The following GOLM1 variants were observed in gnomAD, a reference collection of about 807,000 sequenced individuals.
The protein encoded by GOLM1 is golgi membrane protein 1, also known as epididymis luminal protein 46.
A neutral mutation model predicts 50.5 loss-of-function variants in GOLM1; 31 were observed. The ratio of observed to expected loss-of-function variants is 0.61; its 90% CI spans 0.46 to 0.83. The LOEUF (loss-of-function observed/expected upper bound fraction) is 0.83, where lower values mean the gene tolerates loss of function less well. Among genes scored for constraint, GOLM1 ranks in the 40% least tolerant of loss-of-function variants. GOLM1 has a pLI of 0.00. For synonymous variants in GOLM1, 178 were observed against 192.8 expected (o/e 0.92, Z 0.64); for missense variants, 491 against 501.3 (o/e 0.98, Z 0.20).
chr9:86,026,435 T>C lies in GOLM1; in HGVS notation c.*1382A>G. On this transcript the variant is annotated 3_prime_UTR_variant, in exon 10 of 10. Coordinates refer to ENST00000388712, the MANE Select transcript of GOLM1 (RefSeq NM_016548.4). ...TGCAAACAGGGCCTGCTTCAGTGAC[T>C]GTGTGCCTGTAGTCCCAGCTACTCG... is the stretch of plus-strand genomic sequence containing the variant. The C allele has an allele frequency of 1.0e-6, 1 of 984,806 alleles. No homozygotes were observed. The highest frequency in any genetic ancestry group is 1.2e-6 in the Non-Finnish European group (1 of 829,390). 61.0% of individuals were successfully genotyped at this position (984,806 alleles called of 1,614,324 possible). A position where few individuals can be genotyped will look rare whatever the true frequency, so the allele number is the denominator to read the frequency against.
At chr9:86,048,173 T>G (rs1833617815) in intron 4 of GOLM1, among the ~76,000 whole-genome samples, 1 of 152,062 alleles carries the variant, frequency 6.6e-6, no homozygotes, top group South Asian at 2.1e-4. Flanking sequence ...GGTTTCCAGC[T>G]TCATCTATGT....
chr9:86,053,822 CACCAA>C (rs552867780), intron 3 of GOLM1, among the ~76,000 whole-genome samples: 21 of 149,064 alleles, frequency 1.4e-4, no homozygotes, highest in Non-Finnish European at 2.5e-4. Context: ...ACACATCACA[CACCAA>C]ACCAAACCAC....
intron 9 of GOLM1, among the ~76,000 whole-genome samples, chr9:86,028,193 AT>A (rs1271457986): frequency 1.3e-5 from 2 of 152,128 alleles, no homozygotes; most frequent in Admixed American, 6.5e-5. Context: ...CAAATGTTGC[AT>A]TTTCCAAGAC....
In GOLM1 at chr9:86,035,003, T is replaced by G. The variant is rs1001200191; in HGVS notation, c.1015+365A>C. 11 of 985,162 alleles carry G rather than the reference T, an allele frequency of 1.1e-5. No homozygotes were observed. The Admixed American group carries it at 1.8e-4, about 17-fold the overall frequency. The allele number at this position is 985,162 out of a possible 1,614,324, so 61.0% of individuals were successfully genotyped here. On this transcript the variant is annotated intron_variant, in intron 8 of 9. Coordinates refer to ENST00000388712, the MANE Select transcript of GOLM1 (RefSeq NM_016548.4). ...CTTCATTCATTCACTAGGCACTGAT[T>G]GTCTAAATGGCACCAGACACTGCAC...
At chr9:86,080,147 C>G (rs1234292944) in intron 1 of GOLM1, 1 of 152,224 alleles carries the variant, frequency 6.6e-6, no homozygotes, top group Non-Finnish European at 1.5e-5. Flanking sequence ...TCATTTCTCA[C>G]TTTAGGGACC....
chr9:86,064,772 G>A (rs982719618), intron 3 of GOLM1, among the ~76,000 whole-genome samples: 3 of 152,198 alleles, frequency 2.0e-5, no homozygotes, highest in Non-Finnish European at 2.9e-5. Context: ...AGACACTGTG[G>A]GGGACAGCGC....
rs748561889 is a variant in GOLM1 at position 86,033,336 on chromosome 9, C to T, written c.1075G>A (p.Glu359Lys). 4.3e-6 allele frequency: 7 copies of T among 1,613,776 alleles called. No homozygotes were observed. The Admixed American group carries it at 1.2e-4, about 27-fold the overall frequency. The change falls in exon 9 of 10, where the codon GAA becomes AAA. Residue 359 changes from glutamate (E) to lysine (K), a missense_variant. Coordinates refer to ENST00000388712, the MANE Select transcript of GOLM1 (RefSeq NM_016548.4). ...DDYNMDENEA[E>K]SETDKQAALA... ...GCTGCTTGCTTGTCTGTCTCAGATT[C>T]TGCTTCATTTTCATCCATGTTGTAG... is the stretch of plus-strand genomic sequence containing the variant.
intron 1 of GOLM1, among the ~76,000 whole-genome samples, chr9:86,097,811 A>G (rs1024188887): frequency 1.3e-5 from 2 of 152,252 alleles, no homozygotes; most frequent in East Asian, 1.9e-4. Flanking sequence ...GTGGCCATAT[A>G]TATATAAACC....
At chr9:86,043,760 C>A (rs970936316) in intron 5 of GOLM1, among the ~76,000 whole-genome samples, 2 of 152,166 alleles carry the variant, frequency 1.3e-5, no homozygotes, top group African/African-American at 4.8e-5. Context: ...GTCTCCAGCC[C>A]AGCTCAGAGG....
chr9:86,029,050 G>T (rs965474691), intron 9 of GOLM1, among the ~76,000 whole-genome samples: 1 of 151,768 alleles, frequency 6.6e-6, no homozygotes, highest in Admixed American at 6.6e-5. Flanking sequence ...GTAGAGGCGG[G>T]TTTTCACCCT....
At chr9:86,085,453 G>GTTGT (rs1834924799) in intron 1 of GOLM1, among the ~76,000 whole-genome samples, 27 of 93,110 alleles carry the variant, frequency 2.9e-4, no homozygotes, top group Middle Eastern at 7.1e-3. Flanking sequence ...CAAAGTTTTT[G>GTTGT]TTTTTTTTTT....
At chr9:86,096,586 C>T (rs774011204) in intron 1 of GOLM1, among the ~76,000 whole-genome samples, 45 of 152,190 alleles carry the variant, frequency 3.0e-4, no homozygotes, top group Non-Finnish European at 5.7e-4. Flanking sequence ...AATACCGTGG[C>T]TGGCAAAGCT....
rs778114709 is a variant in GOLM1 at position 86,035,570 on chromosome 9, C to T, written c.813G>A (p.Pro271=). 1.4e-5 allele frequency: 22 copies of T among 1,607,680 alleles called. No individual in the cohort carries two copies. Among genetic ancestry groups the T allele is most frequent in the East Asian group, 4.5e-5 (2 of 44,748 alleles). Residue 271 remains proline (P), a synonymous_variant, in exon 8 of 10, where the codon CCG becomes CCA. Transcript: ENST00000388712. The part of the protein sequence containing the change: ...VNEEPQRDRL[P]QEPGREQVVE... ...CCACCTGCTCCCGGCCTGGCTCCTG[C>T]GGCAGCCTGTCCCTCTGAGGCTCCT... is the stretch of plus-strand genomic sequence containing the variant.
In GOLM1 at chr9:86,058,695, C is replaced by CAAAAAA. The variant is rs57227258; in HGVS notation, c.310-6110_310-6105dup. ...TGGGCAACAGAGCAAGACTCTGTCT[C>CAAAAAA]AAAAAAAAAAAAAAAAATAGCCAGG... On this transcript the variant is annotated intron_variant, in intron 3 of 9. Transcript: ENST00000388712. Among the ~76,000 whole-genome samples, 6 of 100,984 alleles carry CAAAAAA rather than the reference C, an allele frequency of 5.9e-5. 1 individual carries two copies. Among genetic ancestry groups the CAAAAAA allele is most frequent in the Admixed American group, 1.1e-4 (1 of 9,110 alleles). The allele number at this position is 100,984 out of a possible 152,430, so 66.2% of individuals were successfully genotyped here. A position where few individuals can be genotyped will look rare whatever the true frequency, so the allele number is the denominator to read the frequency against.
intron 2 of GOLM1, 64 bp from the exon 3 acceptor site, chr9:86,077,655 C>T: frequency 2.1e-5 from 25 of 1,217,818 alleles, no homozygotes; most frequent in South Asian, 2.0e-4. Flanking sequence ...ACCACCTGAG[C>T]GCCCTCCACA....
intron 3 of GOLM1, among the ~76,000 whole-genome samples, chr9:86,075,167 C>T (rs947914946): frequency 5.9e-5 from 9 of 152,186 alleles, no homozygotes; most frequent in African/African-American, 2.2e-4. Context: ...TGAATCTGCC[C>T]CGTCTTGATC....
intron 2 of GOLM1, 40 bp downstream of exon 2, chr9:86,079,146 AAAACAT>A: frequency 6.8e-7 from 1 of 1,464,294 alleles, no homozygotes. Flanking sequence ...CAAAATAAAC[AAAACAT>A]AAACATAAAA....
At chr9:86,033,442 A>G in intron 8 of GOLM1, 47 bp from the exon 9 acceptor site, 1 of 1,161,042 alleles carries the variant, frequency 8.6e-7, no homozygotes, top group Non-Finnish European at 1.3e-6. Flanking sequence ...TTCTGTCTTG[A>G]TGTCACAGGA....
At chr9:86,039,502 C>T (rs997859534) in intron 6 of GOLM1, among the ~76,000 whole-genome samples, 11 of 152,174 alleles carry the variant, frequency 7.2e-5, no homozygotes, top group Admixed American at 2.6e-4. Context: ...CATGTTCATA[C>T]GGCATTATTC....
Sources: allele counts gnomAD v4.1 joint callset (sites outside exome capture counted in the v4.1 genomes callset), GRCh38; gene constraint gnomAD v4.1.1; transcripts MANE v1.5; gene names NCBI Gene and HGNC (gene_info 2026-07-23, HGNC 2026-07-21).